SCFD2: variants seen among roughly 807,000 people sequenced by gnomAD.
The protein encoded by SCFD2 is sec1 family domain containing 2.
In SCFD2, 54 loss-of-function variants were observed where a neutral mutation model predicts 58.9. That is an observed-to-expected ratio of 0.92 (90% confidence interval 0.74 to 1.15). The LOEUF (loss-of-function observed/expected upper bound fraction) is 1.15. Among genes scored for constraint, SCFD2 ranks in the 50% most tolerant of loss-of-function variants. The pLI, the probability that SCFD2 is intolerant of heterozygous loss-of-function variation, is 0.00. For synonymous variants in SCFD2, 321 were observed against 335.9 expected, an observed-to-expected ratio of 0.96 and a Z score of 0.49; for missense variants, 805 against 836.6, an observed-to-expected ratio of 0.96 and a Z score of 0.47.
At chr4:53,014,565 A>G (rs1722167514) in intron 5 of SCFD2, among the ~76,000 whole-genome samples, 1 of 152,234 alleles carries the variant, frequency 6.6e-6, no homozygotes, top group Non-Finnish European at 1.5e-5. Context: ...AGCATTTATC[A>G]AGAACCTCAT....
At chr4:53,252,616 G>C (rs1577899795) in intron 4 of SCFD2, among the ~76,000 whole-genome samples, 4 of 151,756 alleles carry the variant, frequency 2.6e-5, no homozygotes, top group Admixed American at 1.3e-4. Flanking sequence ...ACAATCCTGA[G>C]AAAAACAAGC....
rs1400153272 is a variant in SCFD2, at chr4:53,146,671, T to C, written c.1312-1089A>G. 3.3e-5 allele frequency among the ~76,000 whole-genome samples: 5 copies of C among 152,290 alleles called. No homozygotes were observed. The East Asian group carries it at 5.8e-4, about 18-fold the overall frequency. On this transcript the variant is annotated intron_variant, in intron 4 of 8. Coordinates refer to ENST00000401642, the MANE Select transcript of SCFD2 (RefSeq NM_152540.4). Reference sequence around the variant, plus strand: ...AAACATAAACAGCAGCCCACCCTTATCCATGGTTTTGCTTTCCATGGTTTC... The same window carrying C: ...AAACATAAACAGCAGCCCACCCTTACCCATGGTTTTGCTTTCCATGGTTTC...
intron 5 of SCFD2, among the ~76,000 whole-genome samples, chr4:53,114,738 T>C (rs1351535498): frequency 1.1e-4 from 16 of 151,922 alleles, no homozygotes; most frequent in Non-Finnish European, 1.9e-4. Flanking sequence ...AAGTGGAACA[T>C]CAGAAATAAA....
chr4:52,958,715 G>A (rs908799187), intron 5 of SCFD2, among the ~76,000 whole-genome samples: 3 of 152,132 alleles, frequency 2.0e-5, no homozygotes, highest in African/African-American at 7.2e-5. Flanking sequence ...GAAACGTGTG[G>A]CTAGAGCAGA....
At chr4:53,009,343 T>C (rs1250717799) in intron 5 of SCFD2, among the ~76,000 whole-genome samples, 5 of 152,198 alleles carry the variant, frequency 3.3e-5, no homozygotes, top group African/African-American at 1.2e-4. Flanking sequence ...CAAATGAGTT[T>C]GGTAAATACT....
At chr4:53,225,496 C>G (rs1729183429) in intron 4 of SCFD2, among the ~76,000 whole-genome samples, 1 of 152,122 alleles carries the variant, frequency 6.6e-6, no homozygotes, top group Non-Finnish European at 1.5e-5. Context: ...TAATATACAT[C>G]AATCTTTGTC....
chr4:53,005,195 C>T (rs1218995464), intron 5 of SCFD2, among the ~76,000 whole-genome samples: 8 of 152,150 alleles, frequency 5.3e-5, no homozygotes, highest in Non-Finnish European at 8.8e-5. Flanking sequence ...CCACTGTGCC[C>T]GGCCAGGATT....
chr4:53,288,378 A>C (rs921777632), intron 3 of SCFD2, among the ~76,000 whole-genome samples: 4 of 152,170 alleles, frequency 2.6e-5, no homozygotes, highest in Non-Finnish European at 5.9e-5. Context: ...TAGGAAAGAT[A>C]GGGACATCTA....
intron 3 of SCFD2, among the ~76,000 whole-genome samples, chr4:53,296,586 C>T (rs1252087086): frequency 6.6e-6 from 1 of 152,100 alleles, no homozygotes; most frequent in African/African-American, 2.4e-5. Context: ...TTCAAAAAAC[C>T]AGCTCCTGGA....
intron 4 of SCFD2, among the ~76,000 whole-genome samples, chr4:53,181,868 A>T (rs967052955): frequency 2.4e-4 from 37 of 152,218 alleles, no homozygotes; most frequent in African/African-American, 8.7e-4. Context: ...AATAACAGAC[A>T]GAGAGCCAAA....
chr4:53,308,397 T>G (rs947530513), intron 3 of SCFD2, among the ~76,000 whole-genome samples: 1 of 152,168 alleles, frequency 6.6e-6, no homozygotes, highest in African/African-American at 2.4e-5. Context: ...ACATGGTATG[T>G]TAGTCTTACT....
chr4:53,078,580 A>G (rs1267963372), intron 5 of SCFD2, among the ~76,000 whole-genome samples: 1 of 152,192 alleles, frequency 6.6e-6, no homozygotes, highest in Admixed American at 6.6e-5. Context: ...TCTATGCGCT[A>G]GTAATGTTCT....
At chr4:53,314,248 T>C (rs1263997432) in intron 2 of SCFD2, among the ~76,000 whole-genome samples, 1 of 152,218 alleles carries the variant, frequency 6.6e-6, no homozygotes, top group African/African-American at 2.4e-5. Flanking sequence ...GACTTCCTAA[T>C]TAGTAGGCTT....
At chr4:52,983,232 C>T (rs982048711) in intron 5 of SCFD2, among the ~76,000 whole-genome samples, 8 of 152,206 alleles carry the variant, frequency 5.3e-5, no homozygotes, top group African/African-American at 1.4e-4. Flanking sequence ...CCAAATTCAG[C>T]GTTCAATGTA....
chr4:52,902,339 C>T (rs553568501), intron 7 of SCFD2, among the ~76,000 whole-genome samples: 13 of 152,318 alleles, frequency 8.5e-5, no homozygotes, highest in South Asian at 2.1e-4. Flanking sequence ...TGGAAAAACA[C>T]GTCACTGCCT....
At chr4:53,207,929 C>T (rs1034662670) in intron 4 of SCFD2, among the ~76,000 whole-genome samples, 1 of 150,498 alleles carries the variant, frequency 6.6e-6, no homozygotes, top group Non-Finnish European at 1.5e-5. Flanking sequence ...TACTCAGTCT[C>T]AGGTATTTCT....
intron 5 of SCFD2, among the ~76,000 whole-genome samples, chr4:52,998,548 C>T (rs1413242554): frequency 6.6e-6 from 1 of 152,182 alleles, no homozygotes; most frequent in African/African-American, 2.4e-5. Flanking sequence ...TTCAAAAGAA[C>T]TATCTCAACT....
chr4:52,970,757 A>G (rs555713414), intron 5 of SCFD2, among the ~76,000 whole-genome samples: 1 of 152,334 alleles, frequency 6.6e-6, no homozygotes, highest in East Asian at 1.9e-4. Context: ...CCTAACTGGG[A>G]GGCATCCCCC....
chr4:53,161,886 CT>C (rs1382153612), intron 4 of SCFD2, among the ~76,000 whole-genome samples: 1 of 152,210 alleles, frequency 6.6e-6, no homozygotes, highest in Non-Finnish European at 1.5e-5. Context: ...TAAAATGCAA[CT>C]ATCCGTGACC....
Sources: gnomAD v4.1 joint callset for allele counts (sites outside exome capture counted in the v4.1 genomes callset) on GRCh38, gnomAD v4.1.1 for gene constraint, MANE v1.5 for transcripts, NCBI Gene and HGNC (gene_info 2026-07-23, HGNC 2026-07-21) for gene names.